Variants in ARHGAP26 observed in about 807,000 individuals in gnomAD.
ARHGAP26 encodes the protein rho GTPase-activating protein 26.
A neutral mutation model predicts 104.8 loss-of-function variants in ARHGAP26; 38 were observed. The ratio of observed to expected loss-of-function variants is 0.36; its 90% CI spans 0.28 to 0.48. ARHGAP26 has a LOEUF of 0.48. Among genes scored for constraint, ARHGAP26 ranks in the 20% least tolerant of loss-of-function variants. ARHGAP26 has a pLI of 0.99. For synonymous variants in ARHGAP26, 341 were observed against 340.0 expected (o/e 1.00, Z -0.03); for missense variants, 704 against 947.9 (o/e 0.74, Z 3.38).
intron 17 of ARHGAP26, among the ~76,000 whole-genome samples, chr5:143,059,240 C>T (rs1220121218): frequency 4.6e-5 from 7 of 152,134 alleles, no homozygotes; most frequent in African/African-American, 1.2e-4. Context: ...TCATGGCCAT[C>T]GGGTCTGAAA....
chr5:143,190,682 A>G (rs747629919), intron 20 of ARHGAP26, among the ~76,000 whole-genome samples: 4 of 152,256 alleles, frequency 2.6e-5, no homozygotes. Context: ...GACCAAAATT[A>G]AAAATGTTTG....
At chr5:143,018,422 A>G (rs1779880218) in intron 12 of ARHGAP26, among the ~76,000 whole-genome samples, 1 of 152,184 alleles carries the variant, frequency 6.6e-6, no homozygotes, top group African/African-American at 2.4e-5. Flanking sequence ...TTTATGACCC[A>G]TGTCACAAAG....
At chr5:142,982,254 C>T (rs974459814) in intron 11 of ARHGAP26, among the ~76,000 whole-genome samples, 3 of 152,372 alleles carry the variant, frequency 2.0e-5, no homozygotes, top group East Asian at 1.9e-4. Flanking sequence ...GCTGCTAGCC[C>T]AGGCAAACTC....
intron 14 of ARHGAP26, among the ~76,000 whole-genome samples, chr5:143,047,763 G>A (rs1213432882): frequency 2.2e-4 from 33 of 151,750 alleles, no homozygotes; most frequent in Admixed American, 2.1e-3. Flanking sequence ...TTGCCTATTT[G>A]TATTCTTAGC....
At chr5:142,868,316 G>A (rs1437764290) in intron 1 of ARHGAP26, among the ~76,000 whole-genome samples, 1 of 152,298 alleles carries the variant, frequency 6.6e-6, no homozygotes, top group East Asian at 1.9e-4. Context: ...AGAGAGGGGT[G>A]TGGGGAGGCC....
At chr5:143,201,029 C>A (rs1224848500) in intron 20 of ARHGAP26, among the ~76,000 whole-genome samples, 1 of 152,236 alleles carries the variant, frequency 6.6e-6, no homozygotes, top group African/African-American at 2.4e-5. Flanking sequence ...TGCTGCCAAG[C>A]CTTTTAGCCT....
chr5:143,104,809 T>G (rs1258614314), intron 17 of ARHGAP26, among the ~76,000 whole-genome samples: 4 of 152,182 alleles, frequency 2.6e-5, no homozygotes, highest in Non-Finnish European at 4.4e-5. Flanking sequence ...TAAAACTAGG[T>G]GTCTGCAGTA....
At chr5:142,894,521 C>T (rs1225794834) in intron 6 of ARHGAP26, among the ~76,000 whole-genome samples, 173 bp downstream of exon 6, 2 of 152,220 alleles carry the variant, frequency 1.3e-5, no homozygotes, top group Non-Finnish European at 2.9e-5. Context: ...TTCTTCCCAG[C>T]AGCCATTCCT....
At chr5:142,938,784 T>G (rs1000714072) in intron 11 of ARHGAP26, among the ~76,000 whole-genome samples, 3 of 152,224 alleles carry the variant, frequency 2.0e-5, no homozygotes, top group African/African-American at 7.2e-5. Context: ...GTGGTGTCTT[T>G]CTGCAACTGC....
At position 143,043,278 on chromosome 5, in the gene ARHGAP26, A is replaced by G. The variant is rs72801208; in HGVS notation, c.1285+1388A>G. On this transcript the variant is annotated intron_variant, in intron 14 of 22. Coordinates refer to ENST00000645722, the MANE Select transcript of ARHGAP26 (RefSeq NM_001135608.3). ...ATAATTTTGTCATTTCAAGATTATT[A>G]TTTAAATGGAATTATACAATACAGA... Among the ~76,000 whole-genome samples the G allele has an allele frequency of 9.7e-3, 1,482 of 152,336 alleles. 12 individuals carry two copies. The highest frequency in any genetic ancestry group is 0.017 in the Non-Finnish European group (1,163 of 68,022).
chr5:142,773,544 C>T (rs757461534), intron 1 of ARHGAP26, among the ~76,000 whole-genome samples: 94 of 152,236 alleles, frequency 6.2e-4, no homozygotes, highest in Admixed American at 1.2e-3. Context: ...ATCTAGATCC[C>T]GTAAAGGAGA....
At chr5:143,044,915 G>C (rs1784012605) in intron 14 of ARHGAP26, among the ~76,000 whole-genome samples, 1 of 152,148 alleles carries the variant, frequency 6.6e-6, no homozygotes, top group South Asian at 2.1e-4. Context: ...TATACAGAGA[G>C]AATCAACAGG....
intron 17 of ARHGAP26, among the ~76,000 whole-genome samples, chr5:143,089,341 G>A (rs1462293637): frequency 6.6e-6 from 1 of 152,162 alleles, no homozygotes; most frequent in Non-Finnish European, 1.5e-5. Context: ...ACCCATTATG[G>A]CTGCGAGGGA....
At position 143,177,300 on chromosome 5, in the gene ARHGAP26, A is replaced by G. The variant is rs114257760; in HGVS notation, c.1989-29898A>G. 5.0e-3 allele frequency among the ~76,000 whole-genome samples: 766 copies of G among 152,298 alleles called. 3 individuals carry two copies. The highest frequency in any genetic ancestry group is 0.018 in the African/African-American group (736 of 41,564). ...GAATAGTGTTTGGCTTTTGTTTGCT[A>G]CATAGTGCTTGTCAAATGAAGGAAT... On this transcript the variant is annotated intron_variant, in intron 20 of 22. Transcript: ENST00000645722.
chr5:143,022,949 C>G (rs1176229141), intron 12 of ARHGAP26, among the ~76,000 whole-genome samples: 3 of 152,214 alleles, frequency 2.0e-5, no homozygotes, highest in Non-Finnish European at 4.4e-5. Flanking sequence ...CATCTAACCC[C>G]TCTAGTTCTT....
chr5:143,222,092 T>A (rs1811238376), intron 22 of ARHGAP26, among the ~76,000 whole-genome samples: 1 of 152,242 alleles, frequency 6.6e-6, no homozygotes, highest in Admixed American at 6.5e-5. Flanking sequence ...AAATTTTGTA[T>A]GTCTGTGTCT....
At chr5:143,186,392 C>T (rs1805138811) in intron 20 of ARHGAP26, among the ~76,000 whole-genome samples, 1 of 152,168 alleles carries the variant, frequency 6.6e-6, no homozygotes, top group African/African-American at 2.4e-5. Flanking sequence ...AAGAAGCCAT[C>T]CACAGCAGTG....
intron 12 of ARHGAP26, among the ~76,000 whole-genome samples, chr5:143,036,837 A>G (rs1489891089): frequency 6.6e-6 from 1 of 152,222 alleles, no homozygotes; most frequent in Non-Finnish European, 1.5e-5. Context: ...GGAGACCGCA[A>G]TTAGTTCTAC....
intron 11 of ARHGAP26, among the ~76,000 whole-genome samples, chr5:143,011,303 C>CTTTTTTTTTTTTTTTTTTTTTTTTTTT (rs58841045): frequency 9.0e-6 from 1 of 110,988 alleles, no homozygotes; most frequent in African/African-American, 3.5e-5. Context: ...TAAACCCCCG[C>CTTTTTTTTTTTTTTTTTTTTTTTTTTT]TTTTTTTTTT....
Sources: gnomAD v4.1 joint callset for allele counts (sites outside exome capture counted in the v4.1 genomes callset) on GRCh38, gnomAD v4.1.1 for gene constraint, MANE v1.5 for transcripts, NCBI Gene and HGNC (gene_info 2026-07-23, HGNC 2026-07-21) for gene names.